The following EWSR1 variants were observed in gnomAD, a reference collection of about 807,000 sequenced individuals.
The protein encoded by EWSR1 is RNA-binding protein EWS.
A neutral mutation model predicts 92.1 loss-of-function variants in EWSR1; 14 were observed. The observed-to-expected ratio is 0.15, with a 90% CI of 0.10 to 0.24. EWSR1 has a LOEUF of 0.24. Among genes scored for constraint, EWSR1 ranks in the 10% least tolerant of loss-of-function variants. EWSR1 has a pLI of 1.00. For missense variants in EWSR1, 637 were observed against 870.9 expected, an observed-to-expected ratio of 0.73 and a Z score of 3.38; for synonymous variants, 303 against 292.9, an observed-to-expected ratio of 1.03 and a Z score of -0.35.
intron 3 of EWSR1, 64 bp from the exon 4 acceptor site, chr22:29,273,677 A>AT (rs1278146969): frequency 6.4e-7 from 1 of 1,570,182 alleles, no homozygotes; most frequent in Non-Finnish European, 8.6e-7. Context: ...AATTTAGTCC[A>AT]TTTTATTGCT....
At position 29,272,441 on chromosome 22, in the gene EWSR1, A is replaced by G; in HGVS notation, c.102+10A>G. On this transcript the variant is annotated intron_variant, in intron 3 of 16. Coordinates refer to ENST00000397938, the MANE Select transcript of EWSR1 (RefSeq NM_005243.4). ...TGCACAGACCACCCAGGTAATCTTT[A>G]AAATAATTACATGTAGCTGCACCTC... The G allele has an allele frequency of 6.2e-7, 1 of 1,611,998 alleles. No individual in the cohort carries two copies. Among genetic ancestry groups the G allele is most frequent in the Non-Finnish European group, 8.5e-7 (1 of 1,179,656 alleles).
chr22:29,281,019 A>G (rs1413232931), intron 5 of EWSR1, among the ~76,000 whole-genome samples: 2 of 151,164 alleles, frequency 1.3e-5, no homozygotes, highest in East Asian at 1.9e-4. Context: ...AGCTGGGACT[A>G]CAGGCACCCA....
At chr22:29,298,705 T>G (rs1247627436) in intron 13 of EWSR1, 28 bp from the exon 14 acceptor site, 16 of 1,611,934 alleles carry the variant, frequency 9.9e-6, no homozygotes, top group Non-Finnish European at 1.4e-5. Flanking sequence ...GAGAAATGAT[T>G]TGCTGTTTCT....
chr22:29,299,092 ATGC>A, intron 14 of EWSR1, 139 bp from the exon 15 acceptor site: 1 of 1,515,700 alleles, frequency 6.6e-7, no homozygotes, highest in Non-Finnish European at 9.0e-7. Flanking sequence ...TGTGGGTGCA[ATGC>A]TGCCTGAGGC....
chr22:29,279,988 G>A lies in EWSR1; in HGVS notation c.413+1772G>A, dbSNP rs1218100659. Among the ~76,000 whole-genome samples, 5 of 152,056 alleles carry A rather than the reference G, an allele frequency of 3.3e-5. No homozygotes were observed. In the East Asian group the frequency reaches 9.6e-4, roughly 29 times the overall value. ...ACAGCTGTCTGTCTCATAATCAGTG[G>A]CAACTGCTTTTTCGACTGGAAAAGG... On this transcript the variant is annotated intron_variant, in intron 5 of 16. Coordinates refer to ENST00000397938, the MANE Select transcript of EWSR1 (RefSeq NM_005243.4).
chr22:29,275,511 T>G (rs1451913509), intron 4 of EWSR1: 1 of 220,914 alleles, frequency 4.5e-6, no homozygotes, highest in Non-Finnish European at 9.1e-6. Context: ...TAGAGTGGCC[T>G]TCTTGTCTCC....
chr22:29,272,224 A>G lies in EWSR1; in HGVS notation c.22A>G (p.Thr8Ala), dbSNP rs772125233. 2 of 1,613,986 alleles carry G rather than the reference A, an allele frequency of 1.2e-6. No individual in the cohort carries two copies. The highest frequency in any genetic ancestry group is 3.3e-5 in the Admixed American group (2 of 60,014). ...TCCTTGTTTTCCTCTAGATTACAGT[A>G]CCTATAGCCAAGCTGCAGCGCAGCA... MASTDYS[T>A]YSQAAAQQGY... Residue 8 changes from threonine to alanine, a missense_variant, in exon 2 of 17, where the codon ACC (threonine) becomes GCC (alanine). Thr to Ala is a moderately conservative substitution (Grantham distance 58, BLOSUM62 0). This residue lies in a region of EWSR1 where 144 missense variants were observed against 189.0 expected (regional missense o/e 0.76). Transcript: ENST00000397938.
intron 4 of EWSR1, among the ~76,000 whole-genome samples, chr22:29,275,123 G>A (rs2059003165): frequency 6.6e-6 from 1 of 152,166 alleles, no homozygotes; most frequent in African/African-American, 2.4e-5. Context: ...ACTTTCTAGT[G>A]GTGTTAATTG....
chr22:29,287,737 G>T (rs981822618), intron 7 of EWSR1, among the ~76,000 whole-genome samples: 1 of 152,202 alleles, frequency 6.6e-6, no homozygotes, highest in Non-Finnish European at 1.5e-5. Flanking sequence ...TGGGGAAGTT[G>T]TATGCAGTGA....
At chr22:29,274,357 G>T in intron 4 of EWSR1, 1 of 1,560,916 alleles carries the variant, frequency 6.4e-7, no homozygotes, top group South Asian at 1.1e-5. Flanking sequence ...AATCCTTTAG[G>T]TGTTTTCATT....
chr22:29,279,132 AGTGT>A (rs113678944), intron 5 of EWSR1, among the ~76,000 whole-genome samples: 15 of 151,482 alleles, frequency 9.9e-5, no homozygotes, highest in Non-Finnish European at 1.9e-4. Flanking sequence ...AGAGAGAGAG[AGTGT>A]GTGTGTGTGT....
chr22:29,285,569 C>G (rs1265275416), intron 6 of EWSR1, among the ~76,000 whole-genome samples: 2 of 151,428 alleles, frequency 1.3e-5, no homozygotes, highest in African/African-American at 4.9e-5. Context: ...CATAGTTAAT[C>G]AGGCATGTCT....
intron 6 of EWSR1, 122 bp from the exon 7 acceptor site, chr22:29,286,801 G>A: frequency 1.5e-6 from 1 of 664,362 alleles, no homozygotes; most frequent in Non-Finnish European, 2.6e-6. Context: ...TGTGTAGAAA[G>A]TAACTACTGT....
At position 29,278,161 on chromosome 22, in the gene EWSR1, A is replaced by C. The variant is rs1054145754; in HGVS notation, c.358A>C (p.Thr120Pro). 1 of 1,614,134 alleles carries C rather than the reference A, an allele frequency of 6.2e-7. No individual in the cohort carries two copies. Among genetic ancestry groups the C allele is most frequent in the Non-Finnish European group, 8.5e-7 (1 of 1,180,008 alleles). Residue 120 changes from threonine to proline, a missense_variant, in exon 5 of 17, where the codon ACT becomes CCT. Physicochemically the swap from Thr to Pro is conservative, Grantham distance 38 (BLOSUM62 -1). Transcript: ENST00000397938. ...CTATGCAGCTCAGTCTGCATATGGCACTCAGCCTGCTTATCCAGCCTATGG... is the reference window on the plus strand; with the variant it reads ...CTATGCAGCTCAGTCTGCATATGGCCCTCAGCCTGCTTATCCAGCCTATGG... ...ASYAAQSAYG[T>P]QPAYPAYGQQ...
chr22:29,298,039 A>G, intron 13 of EWSR1, 90 bp downstream of exon 13: 1 of 1,409,588 alleles, frequency 7.1e-7, no homozygotes, highest in African/African-American at 1.4e-5. Flanking sequence ...GAAGAAATAT[A>G]AAATTGTGTG....
In EWSR1 at chr22:29,296,227, T is replaced by C. The variant is rs1392629988; in HGVS notation, c.1165-12T>C. The C allele has an allele frequency of 5.0e-6, 8 of 1,613,264 alleles. No individual in the cohort carries two copies. The highest frequency in any genetic ancestry group is 6.8e-6 in the Non-Finnish European group (8 of 1,179,668). ...ATTCTAGTCATGCCTAACTATGCTA[T>C]TCTTTGTCTAGATGAACAAGAGAAC... On this transcript the variant is annotated splice_polypyrimidine_tract_variant and intron_variant, in intron 11 of 16. Coordinates refer to ENST00000397938, the MANE Select transcript of EWSR1 (RefSeq NM_005243.4).
chr22:29,279,025 G>A (rs1038375620), intron 5 of EWSR1, among the ~76,000 whole-genome samples: 1 of 151,778 alleles, frequency 6.6e-6, no homozygotes, highest in Admixed American at 6.6e-5. Flanking sequence ...TGGTGCTATC[G>A]AAGGGTCAAA....
Position 29,299,236 on chromosome 22 carries a change from G to T in EWSR1, c.1583G>T (p.Gly528Val). The change falls in exon 15 of 17, where the codon GGT (glycine) becomes GTT (valine). Residue 528 changes from glycine to valine, a missense_variant and splice_region_variant. Physicochemically the swap from Gly to Val is moderately radical, Grantham distance 109. Transcript: ENST00000397938. ...RAGDWQCPNPGCGNQNFAWRT... is the reference protein window; with the variant it reads ...RAGDWQCPNPVCGNQNFAWRT... ...TGCTGTGATGTAATTGTATGCAGGGGTTGTGGAAACCAGAACTTCGCCTGG... is the reference window on the plus strand; with the variant it reads ...TGCTGTGATGTAATTGTATGCAGGGTTTGTGGAAACCAGAACTTCGCCTGG... 1 of 1,614,108 alleles carries T rather than the reference G, an allele frequency of 6.2e-7. No homozygotes were observed. The highest frequency in any genetic ancestry group is 8.5e-7 in the Non-Finnish European group (1 of 1,179,966).
In EWSR1 at chr22:29,298,902, A is replaced by G. The variant is rs200498851; in HGVS notation, c.1580+7A>G. 809 of 1,535,484 alleles carry G rather than the reference A, an allele frequency of 5.3e-4. 1 individual carries two copies. The Middle Eastern group carries it at 8.1e-3, about 15-fold the overall frequency. ...ACTGGCAGTGTCCCAATCCGTATGT[A>G]CTTGTCTTGGCAAATTGATACCCTA... On this transcript the variant is annotated splice_region_variant and intron_variant, in intron 14 of 16. Coordinates refer to ENST00000397938, the MANE Select transcript of EWSR1 (RefSeq NM_005243.4).
Sources: gnomAD v4.1 joint callset for allele counts (sites outside exome capture counted in the v4.1 genomes callset) on GRCh38, gnomAD v4.1.1 for gene constraint, gnomAD v4.1.1 regional missense constraint, MANE v1.5 for transcripts, NCBI Gene and HGNC (gene_info 2026-07-23, HGNC 2026-07-21) for gene names.